Variants in SOX5 observed in about 807,000 individuals in gnomAD.
SOX5 encodes the protein SRY-box transcription factor 5, also known as transcription factor SOX-5.
Under a neutral mutation model 92.0 loss-of-function variants are expected in SOX5, and 9 were observed. That is an observed-to-expected ratio of 0.10 (90% confidence interval 0.06 to 0.17). The LOEUF is 0.17. Ranked by LOEUF, SOX5 falls within the 10% of genes least tolerant of loss-of-function variation. The probability of loss-of-function intolerance (pLI) is 1.00; values close to 1 mark genes in which losing one functional copy is unlikely to be tolerated. For missense variants in SOX5, 642 were observed against 944.5 expected (o/e 0.68, Z 4.20); for synonymous variants, 344 against 336.3 (o/e 1.02, Z -0.25).
At chr12:24,519,522 T>C (rs534403796) in intron 1 of SOX5, among the ~76,000 whole-genome samples, 2 of 152,240 alleles carry the variant, frequency 1.3e-5, no homozygotes, top group South Asian at 4.1e-4. Context: ...CCATTCAAGA[T>C]ACCTGGAGAA....
intron 1 of SOX5, among the ~76,000 whole-genome samples, chr12:24,544,415 G>GA (rs1952424787): frequency 1.3e-5 from 2 of 151,902 alleles, no homozygotes; most frequent in Admixed American, 1.3e-4. Context: ...TGATAAATCT[G>GA]AAAAAAAGAA....
chr12:24,011,102 A>T (rs1952877575), intron 4 of SOX5, among the ~76,000 whole-genome samples: 1 of 152,230 alleles, frequency 6.6e-6, no homozygotes, highest in South Asian at 2.1e-4. Context: ...AAATCATGAC[A>T]ATGATACAGC....
chr12:23,825,801 T>G (rs2096221479), intron 3 of SOX5, among the ~76,000 whole-genome samples: 1 of 152,202 alleles, frequency 6.6e-6, no homozygotes, highest in Non-Finnish European at 1.5e-5. Context: ...ATATCTATAT[T>G]ATATGTATAC....
chr12:23,579,962 TATTTC>T (rs1949810558), intron 9 of SOX5, among the ~76,000 whole-genome samples: 1 of 152,120 alleles, frequency 6.6e-6, no homozygotes. Flanking sequence ...ATTTCATAAT[TATTTC>T]ATTTATACAC....
chr12:24,463,929 T>C (rs1021647245), intron 1 of SOX5, among the ~76,000 whole-genome samples: 1 of 152,212 alleles, frequency 6.6e-6, no homozygotes, highest in African/African-American at 2.4e-5. Context: ...AGACTTCTCT[T>C]TGAATTGGCT....
At chr12:23,801,108 G>A (rs2095652377) in intron 3 of SOX5, among the ~76,000 whole-genome samples, 1 of 152,122 alleles carries the variant, frequency 6.6e-6, no homozygotes, top group African/African-American at 2.4e-5. Flanking sequence ...AGGAAGTCTT[G>A]TTACTTGTCT....
chr12:24,401,413 T>C (rs549348002), intron 1 of SOX5, among the ~76,000 whole-genome samples: 5 of 151,426 alleles, frequency 3.3e-5, no homozygotes, highest in Admixed American at 1.3e-4. Flanking sequence ...ACTATGTCCA[T>C]TAAAAATTTG....
At chr12:24,147,773 A>G (rs1457464599) in intron 4 of SOX5, among the ~76,000 whole-genome samples, 1 of 152,222 alleles carries the variant, frequency 6.6e-6, no homozygotes, top group Non-Finnish European at 1.5e-5. Flanking sequence ...AACAAGGAAA[A>G]TTCAGAAATT....
At chr12:23,685,678 C>T (rs1024854856) in intron 6 of SOX5, among the ~76,000 whole-genome samples, 3 of 150,370 alleles carry the variant, frequency 2.0e-5, no homozygotes, top group South Asian at 2.1e-4. Context: ...AAGCTTAGCA[C>T]GGGAAGCTCA....
At chr12:24,507,034 C>T (rs1948860459) in intron 1 of SOX5, among the ~76,000 whole-genome samples, 1 of 151,908 alleles carries the variant, frequency 6.6e-6, no homozygotes, top group African/African-American at 2.4e-5. Flanking sequence ...TCGTGATCCG[C>T]CCGCCTCGGC....
At chr12:23,873,621 ATTTC>A (rs1239300513) in intron 2 of SOX5, among the ~76,000 whole-genome samples, 1 of 152,162 alleles carries the variant, frequency 6.6e-6, no homozygotes, top group African/African-American at 2.4e-5. Context: ...CTCAATTGTA[ATTTC>A]TTTTTCATAT....
intron 6 of SOX5, among the ~76,000 whole-genome samples, chr12:23,716,464 G>A (rs1443069657): frequency 1.3e-5 from 2 of 152,126 alleles, no homozygotes; most frequent in Non-Finnish European, 2.9e-5. Context: ...ACACTAATAT[G>A]TATGCCACTA....
At chr12:24,251,138 T>A (rs1939955958) in intron 3 of SOX5, among the ~76,000 whole-genome samples, 2 of 152,228 alleles carry the variant, frequency 1.3e-5, no homozygotes, top group African/African-American at 4.8e-5. Context: ...AACTTACTTC[T>A]ACTAAGATTT....
chr12:23,770,206 C>T (rs2094885089), intron 3 of SOX5, among the ~76,000 whole-genome samples: 1 of 151,354 alleles, frequency 6.6e-6, no homozygotes, highest in African/African-American at 2.4e-5. Flanking sequence ...CCTCTTCCCT[C>T]CTGCCAGACC....
intron 3 of SOX5, among the ~76,000 whole-genome samples, chr12:23,776,340 A>C (rs1280702876): frequency 2.0e-5 from 3 of 152,224 alleles, no homozygotes; most frequent in Non-Finnish European, 4.4e-5. Context: ...AAAAAGGACA[A>C]AAATAAACTA....
rs185865807 is a variant in SOX5 at position 24,502,416 on chromosome 12, T to C, written c.-251+59913A>G. Among the ~76,000 whole-genome samples the C allele has an allele frequency of 1.2e-4, 19 of 152,270 alleles. No homozygotes were observed. In the East Asian group the frequency reaches 3.5e-3, roughly 28 times the overall value. ...TGATCAAAAAAATATTATTAGACCA[T>C]AAACCATAACACAAAACTAAATATT... On this transcript the variant is annotated intron_variant, in intron 1 of 4. Coordinates refer to the SOX5 transcript ENST00000446891.
chr12:23,757,232 T>C (rs1316731353), intron 3 of SOX5, among the ~76,000 whole-genome samples: 1 of 151,914 alleles, frequency 6.6e-6, no homozygotes, highest in African/African-American at 2.4e-5. Flanking sequence ...GCAGTTGAAA[T>C]GAATGAATGA....
Position 24,400,128 on chromosome 12 carries a change from T to C in SOX5, c.-250-31489A>G, listed in dbSNP as rs1350440621. Among the ~76,000 whole-genome samples, 4 of 152,224 alleles carry C rather than the reference T, an allele frequency of 2.6e-5. No homozygotes were observed. The East Asian group carries it at 7.7e-4, about 29-fold the overall frequency. Reference sequence around the variant, plus strand: ...AAAGTAGCTAAAGTAACTCAAGTTTTAATAGACTTCTCAAGCCATTCATTA... The same window carrying C: ...AAAGTAGCTAAAGTAACTCAAGTTTCAATAGACTTCTCAAGCCATTCATTA... On this transcript the variant is annotated intron_variant, in intron 1 of 4. Transcript: ENST00000446891.
chr12:24,491,685 A>T (rs1947092256), intron 1 of SOX5, among the ~76,000 whole-genome samples: 1 of 152,196 alleles, frequency 6.6e-6, no homozygotes, highest in South Asian at 2.1e-4. Context: ...TCAAGTCCTG[A>T]TAAACACTGG....
Sources: allele counts gnomAD v4.1 joint callset (sites outside exome capture counted in the v4.1 genomes callset), GRCh38; gene constraint gnomAD v4.1.1; transcripts MANE v1.5; gene names NCBI Gene and HGNC (gene_info 2026-07-23, HGNC 2026-07-21).